MAP4K4: variants seen among roughly 807,000 people sequenced by gnomAD.
MAP4K4 encodes HPK/GCK-like kinase HGK.
A neutral mutation model predicts 189.6 loss-of-function variants in MAP4K4; 38 were observed. The ratio of observed to expected loss-of-function variants is 0.20; its 90% CI spans 0.15 to 0.26. The LOEUF (loss-of-function observed/expected upper bound fraction) is 0.26. MAP4K4 is among the 10% of genes least tolerant of loss of function. MAP4K4 has a pLI of 1.00. For missense variants in MAP4K4, 1,054 were observed against 1,726.9 expected, an observed-to-expected ratio of 0.61 and a Z score of 6.91; for synonymous variants, 610 against 624.3, an observed-to-expected ratio of 0.98 and a Z score of 0.34.
At position 101,725,888 on chromosome 2, in the gene MAP4K4, C is replaced by T. The variant is rs185250691; in HGVS notation, c.123+27350C>T. 3.5e-3 allele frequency among the ~76,000 whole-genome samples: 530 copies of T among 152,340 alleles called. 2 individuals are homozygous for T. Among genetic ancestry groups the T allele is most frequent in the African/African-American group, 0.012 (515 of 41,578 alleles). ...GATGTGGTGGGTTCCGTCTCTTCCACATAAACCTACCTTGTCTTCCCCTTA... is the reference window on the plus strand; with the variant it reads ...GATGTGGTGGGTTCCGTCTCTTCCATATAAACCTACCTTGTCTTCCCCTTA... On this transcript the variant is annotated intron_variant, in intron 2 of 32. Coordinates refer to ENST00000324219, the Ensembl canonical transcript of MAP4K4.
At chr2:101,849,355 C>T (rs1441327672) in intron 12 of MAP4K4, among the ~76,000 whole-genome samples, 1 of 152,106 alleles carries the variant, frequency 6.6e-6, no homozygotes, top group Non-Finnish European at 1.5e-5. Context: ...TTTCTAACTC[C>T]TGGGCTCAAG....
At chr2:101,818,367 G>T (rs538412399) in intron 3 of MAP4K4, among the ~76,000 whole-genome samples, 1 of 152,058 alleles carries the variant, frequency 6.6e-6, no homozygotes, top group African/African-American at 2.4e-5. Context: ...ACAGTCAGTC[G>T]CCTTTTTCTT....
chr2:101,794,342 A>G (rs992390474), intron 3 of MAP4K4, among the ~76,000 whole-genome samples: 7 of 152,192 alleles, frequency 4.6e-5, no homozygotes, highest in Admixed American at 2.6e-4. Context: ...AAGGCAAATG[A>G]TTGCTTTTAC....
intron 2 of MAP4K4, among the ~76,000 whole-genome samples, chr2:101,751,960 C>G (rs1463945195): frequency 6.6e-6 from 1 of 152,128 alleles, no homozygotes; most frequent in Non-Finnish European, 1.5e-5. Flanking sequence ...TCTACTGTTT[C>G]CTTATCAATG....
rs1012965399 is a variant in MAP4K4, at chr2:101,887,342, C to T, written c.3771+105C>T. ...CTAACACAAGCAGGGATTCATTTCC[C>T]CTTGGTGTGGGGGTGAGTATTTAAA... is the stretch of plus-strand genomic sequence containing the variant. On this transcript the variant is annotated intron_variant, in intron 30 of 32. Coordinates refer to ENST00000324219, the Ensembl canonical transcript of MAP4K4. 9 of 1,195,070 alleles carry T rather than the reference C, an allele frequency of 7.5e-6. No individual in the cohort carries two copies. In the Admixed American group the frequency reaches 1.3e-4, roughly 17 times the overall value. 74.0% of individuals were successfully genotyped at this position (1,195,070 alleles called of 1,614,324 possible). A position where few individuals can be genotyped will look rare whatever the true frequency, so the allele number is the denominator to read the frequency against.
At chr2:101,874,736 A>G (rs1423776082) in intron 26 of MAP4K4, among the ~76,000 whole-genome samples, 1 of 152,248 alleles carries the variant, frequency 6.6e-6, no homozygotes, top group Non-Finnish European at 1.5e-5. Context: ...ATTTCCAAGT[A>G]CTTTACAGTG....
chr2:101,741,463 C>T (rs529979505), intron 2 of MAP4K4, among the ~76,000 whole-genome samples: 14 of 152,066 alleles, frequency 9.2e-5, no homozygotes, highest in Non-Finnish European at 1.6e-4. Flanking sequence ...CCACCGCACC[C>T]GGCCAGTAGT....
intron 2 of MAP4K4, among the ~76,000 whole-genome samples, chr2:101,732,109 T>C (rs530688063): frequency 1.5e-4 from 23 of 152,280 alleles, no homozygotes; most frequent in African/African-American, 5.3e-4. Flanking sequence ...GATTTTAATA[T>C]AATTTAGTAT....
At chr2:101,865,497 A>G (rs2097784994) in intron 18 of MAP4K4, among the ~76,000 whole-genome samples, 2 of 152,362 alleles carry the variant, frequency 1.3e-5, no homozygotes, top group Admixed American at 6.5e-5. Context: ...TGCTCTGTCC[A>G]GTACGATTAG....
At chr2:101,699,886 G>A (rs2037303364) in intron 2 of MAP4K4, among the ~76,000 whole-genome samples, 1 of 152,162 alleles carries the variant, frequency 6.6e-6, no homozygotes, top group African/African-American at 2.4e-5. Context: ...CAGCTTGCCC[G>A]GCTCAACTGA....
intron 2 of MAP4K4, among the ~76,000 whole-genome samples, chr2:101,761,135 A>G (rs1465009273): frequency 6.6e-6 from 1 of 152,240 alleles, no homozygotes; most frequent in Admixed American, 6.5e-5. Flanking sequence ...TCAAGGCTAT[A>G]ATAATCGCAG....
At chr2:101,737,172 T>A (rs890173955) in intron 2 of MAP4K4, among the ~76,000 whole-genome samples, 8 of 151,986 alleles carry the variant, frequency 5.3e-5, no homozygotes, top group African/African-American at 1.9e-4. Flanking sequence ...CTTTTTAAAA[T>A]CAGTCAGGTG....
intron 2 of MAP4K4, among the ~76,000 whole-genome samples, chr2:101,784,263 CGT>C (rs143119918): frequency 0.32 from 46,290 of 146,244 alleles, 7,275 homozygotes; most frequent in African/African-American, 0.38. Context: ...TGATGCTCTT[CGT>C]GTGTGTGTGT....
chr2:101,698,481 T>C, exon 2 of MAP4K4: 1 of 1,613,722 alleles, frequency 6.2e-7, no homozygotes, highest in Non-Finnish European at 8.5e-7. Context: ...AGGATCCTGC[T>C]GGGATTTTTG....
intron 3 of MAP4K4, among the ~76,000 whole-genome samples, chr2:101,797,889 G>GTGTTTTTTT (rs1553478618): frequency 0.17 from 9,118 of 52,250 alleles, 2,495 homozygotes; most frequent in East Asian, 0.3. Context: ...CATTCTTTTA[G>GTGTTTTTTT]TTTTTTTTTT....
intron 3 of MAP4K4, among the ~76,000 whole-genome samples, chr2:101,816,957 C>T (rs1437369900): frequency 6.6e-6 from 1 of 151,482 alleles, no homozygotes; most frequent in East Asian, 1.9e-4. Flanking sequence ...CCGGAAAGCT[C>T]ATTTTGAATT....
chr2:101,735,917 T>C (rs2060116842), intron 2 of MAP4K4, among the ~76,000 whole-genome samples: 1 of 152,196 alleles, frequency 6.6e-6, no homozygotes, highest in South Asian at 2.1e-4. Flanking sequence ...TCAGGATGAA[T>C]GATGTGAGTG....
At chr2:101,727,351 A>C (rs1035799465) in intron 2 of MAP4K4, among the ~76,000 whole-genome samples, 1 of 152,234 alleles carries the variant, frequency 6.6e-6, no homozygotes, top group Non-Finnish European at 1.5e-5. Flanking sequence ...TAAAGCCGCT[A>C]TGAGAGTTTA....
chr2:101,759,521 T>C (rs1575041305), intron 2 of MAP4K4, among the ~76,000 whole-genome samples: 3 of 21,104 alleles, frequency 1.4e-4, no homozygotes, highest in Non-Finnish European at 2.5e-4. Context: ...CCCTCCCCAT[T>C]CCCCTCCCCT....
Sources: allele counts gnomAD v4.1 joint callset (sites outside exome capture counted in the v4.1 genomes callset), GRCh38; gene constraint gnomAD v4.1.1; transcripts MANE v1.5; gene names NCBI Gene and HGNC (gene_info 2026-07-23, HGNC 2026-07-21).